The following PDS5A variants were observed in gnomAD, a reference collection of about 807,000 sequenced individuals.
PDS5A encodes the protein PDS5 cohesin associated factor A, also known as sister chromatid cohesion protein PDS5 homolog A.
A neutral mutation model predicts 167.1 loss-of-function variants in PDS5A; 42 were observed. That is an observed-to-expected ratio of 0.25 (90% CI 0.20 to 0.33). The LOEUF (loss-of-function observed/expected upper bound fraction) is 0.33, where lower values mean the gene tolerates loss of function less well. Among genes scored for constraint, PDS5A ranks in the 10% least tolerant of loss-of-function variants. The pLI, the probability that PDS5A is intolerant of heterozygous loss-of-function variation, is 1.00. For missense variants in PDS5A, 1,033 were observed against 1,605.9 expected (o/e 0.64, Z 6.10); for synonymous variants, 553 against 554.6 (o/e 1.00, Z 0.04).
intron 17 of PDS5A, among the ~76,000 whole-genome samples, chr4:39,881,542 A>G (rs1720930491): frequency 6.6e-6 from 1 of 152,180 alleles, no homozygotes; most frequent in South Asian, 2.1e-4. Flanking sequence ...GTGTATAAAC[A>G]TTAACTTAAA....
chr4:39,915,035 A>G (rs973293225), intron 8 of PDS5A, among the ~76,000 whole-genome samples: 1 of 136,062 alleles, frequency 7.3e-6, no homozygotes, highest in African/African-American at 2.5e-5. Flanking sequence ...TTAAATGACA[A>G]AAATGATTTT....
intron 23 of PDS5A, among the ~76,000 whole-genome samples, chr4:39,865,413 A>C (rs1316564924): frequency 2.0e-5 from 3 of 152,190 alleles, no homozygotes; most frequent in Non-Finnish European, 4.4e-5. Context: ...ATAAAAATAG[A>C]GCGTAGTGGT....
At position 39,863,460 on chromosome 4, in the gene PDS5A, C is replaced by T. The variant is rs1422033475; in HGVS notation, c.2643-1G>A. 6.3e-7 allele frequency: 1 copy of T among 1,583,418 alleles called. No homozygotes were observed. ...TCGCAAGCGAGACATATCAGATTTA[C>T]TATAAACAAACAAAAAAGAAATAAA... On this transcript the variant is annotated splice_acceptor_variant, in intron 23 of 32. Transcript: ENST00000303538. LOFTEE classifies it high-confidence loss of function.
In PDS5A at chr4:39,825,652, C is replaced by T. The variant is rs143565308; in HGVS notation, c.4011-164G>A. Among the ~76,000 whole-genome samples the T allele has an allele frequency of 4.3e-3, 657 of 151,482 alleles. 1 individual carries two copies. Among genetic ancestry groups the T allele is most frequent in the Non-Finnish European group, 5.1e-3 (349 of 67,948 alleles). ...TCACTCAGGCTGAAGTACAGTGGCACGATCATGGCTCACTCAGCCCCAACT... is the reference window on the plus strand; with the variant it reads ...TCACTCAGGCTGAAGTACAGTGGCATGATCATGGCTCACTCAGCCCCAACT... On this transcript the variant is annotated intron_variant, in intron 32 of 32. Transcript: ENST00000303538.
At chr4:39,862,393 A>G in intron 25 of PDS5A, 60 bp from the exon 26 acceptor site, 1 of 700,660 alleles carries the variant, frequency 1.4e-6, no homozygotes, top group South Asian at 2.1e-5. Context: ...ACTGAGTTCT[A>G]ACCACTTAAG....
rs532691815 is a variant in PDS5A, at chr4:39,929,888, A to T, written c.139-1724T>A. Among the ~76,000 whole-genome samples the T allele has an allele frequency of 4.0e-5, 6 of 150,014 alleles. No individual in the cohort carries two copies. In the South Asian group the frequency reaches 1.3e-3, roughly 32 times the overall value. On this transcript the variant is annotated intron_variant, in intron 2 of 32. Transcript: ENST00000303538. Reference sequence around the variant, plus strand: ...AGCCTCCCAAGTAGGTGGATCTACAAGCATGTGTCACTATACCTGGCTAAT... The same window carrying T: ...AGCCTCCCAAGTAGGTGGATCTACATGCATGTGTCACTATACCTGGCTAAT...
rs750118836 is a variant in PDS5A, at chr4:39,945,365, G to A, written c.139-17201C>T. On this transcript the variant is annotated intron_variant, in intron 2 of 32. Transcript: ENST00000303538. ...AGTTCCAGCTACTAGGGAGGCTGAG[G>A]CAGGAGAATGGCATGAACCCGGGAA... Among the ~76,000 whole-genome samples, 21 of 150,520 alleles carry A rather than the reference G, an allele frequency of 1.4e-4. 1 individual carries two copies. The highest frequency in any genetic ancestry group is 1.1e-3 in the Admixed American group (17 of 14,974).
chr4:39,892,525 T>TG (rs2109625927), intron 16 of PDS5A, among the ~76,000 whole-genome samples: 1 of 152,358 alleles, frequency 6.6e-6, no homozygotes, highest in East Asian at 1.9e-4. Context: ...AAGCCATTCC[T>TG]GGACCTATTT....
intron 9 of PDS5A, among the ~76,000 whole-genome samples, chr4:39,912,162 A>G (rs1018890890): frequency 1.3e-5 from 2 of 152,228 alleles, no homozygotes; most frequent in Non-Finnish European, 2.9e-5. Context: ...GTAATTACAA[A>G]GTATCAAAAC....
At chr4:39,935,081 C>G (rs1726463578) in intron 2 of PDS5A, among the ~76,000 whole-genome samples, 1 of 152,198 alleles carries the variant, frequency 6.6e-6, no homozygotes, top group African/African-American at 2.4e-5. Flanking sequence ...CCTAAGAAAT[C>G]ATTACCTAAC....
chr4:39,896,183 C>T (rs1434481433), intron 16 of PDS5A, among the ~76,000 whole-genome samples: 2 of 151,846 alleles, frequency 1.3e-5, no homozygotes, highest in African/African-American at 2.4e-5. Flanking sequence ...GTCAGGACTA[C>T]AGGTGTGCGC....
chr4:39,826,278 T>A (rs1430206158), intron 32 of PDS5A, among the ~76,000 whole-genome samples: 2 of 150,184 alleles, frequency 1.3e-5, no homozygotes, highest in African/African-American at 2.4e-5. Context: ...CTTTCTCACC[T>A]CCTCTCACCT....
intron 2 of PDS5A, among the ~76,000 whole-genome samples, chr4:39,930,247 G>GTTTGTTT (rs1725915659): frequency 1.6e-5 from 1 of 61,952 alleles, no homozygotes; most frequent in Non-Finnish European, 3.2e-5. Flanking sequence ...AAAAAAAAAA[G>GTTTGTTT]TTTTTTTGTT....
At chr4:39,904,959 T>C (rs751769434) in intron 11 of PDS5A, among the ~76,000 whole-genome samples, 2 of 152,204 alleles carry the variant, frequency 1.3e-5, no homozygotes, top group African/African-American at 2.4e-5. Context: ...TAATTGCCAG[T>C]TACATCCCTT....
intron 2 of PDS5A, among the ~76,000 whole-genome samples, chr4:39,957,511 G>A (rs1004461816): frequency 2.0e-5 from 3 of 152,018 alleles, no homozygotes; most frequent in African/African-American, 7.2e-5. Flanking sequence ...GGATTCCTGG[G>A]CCAGGCACAG....
intron 30 of PDS5A, among the ~76,000 whole-genome samples, chr4:39,842,560 A>T (rs1308845284): frequency 3.3e-5 from 5 of 152,252 alleles, no homozygotes; most frequent in Admixed American, 6.5e-5. Context: ...GGTTTAAAAC[A>T]TCATTGGTTG....
intron 2 of PDS5A, among the ~76,000 whole-genome samples, chr4:39,947,675 T>C (rs1025430108): frequency 6.6e-6 from 1 of 152,176 alleles, no homozygotes; most frequent in Non-Finnish European, 1.5e-5. Flanking sequence ...TGAATGTGTG[T>C]TGGGCCACAT....
Position 39,842,037 on chromosome 4 carries a change from C to G in PDS5A, c.3568G>C (p.Ala1190Pro). 6.2e-7 allele frequency: 1 copy of G among 1,605,250 alleles called. No homozygotes were observed. Among genetic ancestry groups the G allele is most frequent in the Non-Finnish European group, 8.5e-7 (1 of 1,172,026 alleles). Residue 1190 changes from alanine (A) to proline (P), a missense_variant, in exon 31 of 33, where the codon GCA becomes CCA. Around this residue, in one of 4 missense-constraint regions of PDS5A, gnomAD observed 233 missense variants for 264.0 expected, o/e 0.88. Coordinates refer to ENST00000303538, the MANE Select transcript of PDS5A (RefSeq NM_001100399.2). Reference sequence around the variant, plus strand: ...TCATTTTCACTAACTCCAGTTTCTGCTGCCTCTGAACTCTGTTCCCTGTTT... The same window carrying G: ...TCATTTTCACTAACTCCAGTTTCTGGTGCCTCTGAACTCTGTTCCCTGTTT... ...NRSREQSSEA[A>P]ETGVSENEEN... is the part of the protein sequence containing the mutation.
At chr4:39,934,891 G>A (rs1433221999) in intron 2 of PDS5A, among the ~76,000 whole-genome samples, 1 of 151,402 alleles carries the variant, frequency 6.6e-6, no homozygotes, top group Non-Finnish European at 1.5e-5. Flanking sequence ...TTTTCCTTAT[G>A]TGTTTTCAGC....
Sources: gnomAD v4.1 joint callset for allele counts (sites outside exome capture counted in the v4.1 genomes callset) on GRCh38, gnomAD v4.1.1 for gene constraint, gnomAD v4.1.1 regional missense constraint, MANE v1.5 for transcripts, NCBI Gene and HGNC (gene_info 2026-07-23, HGNC 2026-07-21) for gene names.